Variants in STPG2 observed in about 807,000 individuals in gnomAD.
STPG2 encodes sperm tail PG-rich repeat containing 2.
A neutral mutation model predicts 54.2 loss-of-function variants in STPG2; 56 were observed. The observed-to-expected ratio is 1.03, with a 90% CI of 0.83 to 1.29. The LOEUF is 1.29. STPG2 is among the 50% of genes most tolerant of loss of function. The pLI, the probability that STPG2 is intolerant of heterozygous loss-of-function variation, is 0.00. For synonymous variants in STPG2, 200 were observed against 181.8 expected, an observed-to-expected ratio of 1.10 and a Z score of -0.81; for missense variants, 596 against 544.9, an observed-to-expected ratio of 1.09 and a Z score of -0.93.
chr4:97,769,883 G>A (rs1023106310), intron 9 of STPG2, among the ~76,000 whole-genome samples: 2 of 152,040 alleles, frequency 1.3e-5, no homozygotes, highest in Non-Finnish European at 2.9e-5. Flanking sequence ...AATTCTGGAG[G>A]TGGCATACTA....
chr4:98,079,432 C>G (rs1416080073), intron 5 of STPG2, among the ~76,000 whole-genome samples: 1 of 152,114 alleles, frequency 6.6e-6, no homozygotes, highest in African/African-American at 2.4e-5. Context: ...TTAATGAATC[C>G]TCCTAATGGT....
At chr4:97,643,743 A>G (rs1034761473) in intron 10 of STPG2, among the ~76,000 whole-genome samples, 1 of 151,786 alleles carries the variant, frequency 6.6e-6, no homozygotes, top group Admixed American at 6.6e-5. Flanking sequence ...AAGTTGTCTT[A>G]TTGTGTCATT....
At chr4:97,468,426 G>A (rs1384285334) in intron 4 of STPG2, among the ~76,000 whole-genome samples, 1 of 151,984 alleles carries the variant, frequency 6.6e-6, no homozygotes, top group Admixed American at 6.6e-5. Context: ...ATCCGAAAAT[G>A]AGCTTAATTG....
intron 10 of STPG2, among the ~76,000 whole-genome samples, chr4:97,620,625 GA>G (rs1733987626): frequency 6.6e-6 from 1 of 152,110 alleles, no homozygotes; most frequent in African/African-American, 2.4e-5. Flanking sequence ...CCCAACATAG[GA>G]GTACCCAGAT....
intron 4 of STPG2, among the ~76,000 whole-genome samples, chr4:97,457,601 C>A (rs575512735): frequency 6.6e-6 from 1 of 152,322 alleles, no homozygotes; most frequent in East Asian, 1.9e-4. Flanking sequence ...ATTCCCAAAT[C>A]ACTGTTTGCT....
intron 4 of STPG2, among the ~76,000 whole-genome samples, chr4:97,534,044 A>G (rs901272331): frequency 1.3e-5 from 2 of 152,162 alleles, no homozygotes; most frequent in Non-Finnish European, 2.9e-5. Flanking sequence ...GAGAGTTCCA[A>G]TTCTTCCGCA....
intron 5 of STPG2, among the ~76,000 whole-genome samples, chr4:98,027,122 CA>C (rs1356566894): frequency 1.3e-5 from 2 of 152,128 alleles, no homozygotes; most frequent in Non-Finnish European, 2.9e-5. Context: ...AGGGGAAAGG[CA>C]ATTCCAAAGA....
intron 10 of STPG2, among the ~76,000 whole-genome samples, chr4:97,688,460 G>A (rs1161161293): frequency 2.0e-5 from 3 of 152,098 alleles, no homozygotes; most frequent in Non-Finnish European, 2.9e-5. Context: ...TCTGCCTCCC[G>A]GGTTCACACC....
intron 3 of STPG2, among the ~76,000 whole-genome samples, chr4:98,113,013 GAAA>G (rs3047514): frequency 5.1e-4 from 62 of 122,070 alleles, no homozygotes; most frequent in Non-Finnish European, 9.1e-4. Context: ...AAGAAACTAT[GAAA>G]AAAAAAAAAA....
intron 9 of STPG2, among the ~76,000 whole-genome samples, chr4:97,809,200 T>G (rs1239586454): frequency 6.6e-6 from 1 of 152,144 alleles, no homozygotes; most frequent in African/African-American, 2.4e-5. Context: ...GATAGAAATA[T>G]CTCAAGTCCT....
intron 10 of STPG2, among the ~76,000 whole-genome samples, chr4:97,664,241 T>C (rs1209025404): frequency 6.6e-6 from 1 of 152,180 alleles, no homozygotes; most frequent in Non-Finnish European, 1.5e-5. Context: ...AACCTACACA[T>C]ATAGAGCTTA....
At chr4:97,744,107 A>G (rs912422994) in intron 9 of STPG2, among the ~76,000 whole-genome samples, 2 of 151,528 alleles carry the variant, frequency 1.3e-5, no homozygotes, top group African/African-American at 4.8e-5. Context: ...GAATGGCATG[A>G]TCAGAGCTGT....
At chr4:97,859,302 C>G (rs1729432010) in intron 8 of STPG2, among the ~76,000 whole-genome samples, 1 of 151,984 alleles carries the variant, frequency 6.6e-6, no homozygotes, top group Non-Finnish European at 1.5e-5. Context: ...GATATTGGTC[C>G]TTTGTTGAAT....
chr4:97,810,139 A>G (rs1402282358), intron 9 of STPG2, among the ~76,000 whole-genome samples: 1 of 152,168 alleles, frequency 6.6e-6, no homozygotes, highest in African/African-American at 2.4e-5. Flanking sequence ...TTTGCTGCCC[A>G]TATTTACATA....
At chr4:97,723,127 T>C (rs1724509472) in intron 9 of STPG2, among the ~76,000 whole-genome samples, 1 of 152,044 alleles carries the variant, frequency 6.6e-6, no homozygotes, top group African/African-American at 2.4e-5. Flanking sequence ...CCTGCCAATT[T>C]TAAATATTGG....
intron 9 of STPG2, among the ~76,000 whole-genome samples, chr4:97,824,919 C>A (rs1369700046): frequency 6.6e-6 from 1 of 152,122 alleles, no homozygotes; most frequent in Non-Finnish European, 1.5e-5. Flanking sequence ...CTCCAAAAAC[C>A]ATGTTGAATT....
chr4:98,051,438 C>T (rs13120773), intron 5 of STPG2, among the ~76,000 whole-genome samples: 59,802 of 151,600 alleles, frequency 0.39, 12,016 homozygotes, highest in Middle Eastern at 0.46. Context: ...TTTAGGGAGG[C>T]AATTAGGATT....
chr4:97,481,938 C>T lies in STPG2; in HGVS notation c.462+230761G>A, dbSNP rs1023243583. Among the ~76,000 whole-genome samples the T allele has an allele frequency of 2.6e-5, 4 of 151,708 alleles. 1 individual carries two copies. Among genetic ancestry groups the T allele is most frequent in the South Asian group, 2.1e-4 (1 of 4,828 alleles). On this transcript the variant is annotated intron_variant, in intron 4 of 4. Coordinates refer to the STPG2 transcript ENST00000522676. ...TGCTTCTCATTTGAGGGCAAAAACA[C>T]TCAGTCTTTCATCAACAAATACATT...
intron 9 of STPG2, among the ~76,000 whole-genome samples, chr4:97,759,596 A>G (rs1046010509): frequency 2.6e-5 from 4 of 152,176 alleles, no homozygotes; most frequent in Non-Finnish European, 5.9e-5. Context: ...TGGATGTTTC[A>G]ATGTATGTAG....
Sources: gnomAD v4.1 joint callset for allele counts (sites outside exome capture counted in the v4.1 genomes callset) on GRCh38, gnomAD v4.1.1 for gene constraint, MANE v1.5 for transcripts, NCBI Gene and HGNC (gene_info 2026-07-23, HGNC 2026-07-21) for gene names.